Variants in SCGB2B2 observed in about 807,000 individuals in gnomAD.
SCGB2B2 encodes secretoglobin-like protein.
SCGB2B2 carries 11 observed loss-of-function variants against 7.6 expected under a neutral mutation model. The observed-to-expected ratio is 1.45, with a 90% CI of 0.91 to 2.40. The LOEUF (loss-of-function observed/expected upper bound fraction) is 2.40. Among genes scored for constraint, SCGB2B2 ranks in the 30% most tolerant of loss-of-function variants. The pLI, the probability that SCGB2B2 is intolerant of heterozygous loss-of-function variation, is 0.00. For synonymous variants in SCGB2B2, 50 were observed against 48.6 expected (o/e 1.03, Z -0.12); for missense variants, 104 against 115.4 (o/e 0.90, Z 0.45).
At chr19:34,606,688 A>G (rs1370271446) in intron 1 of SCGB2B2, among the ~76,000 whole-genome samples, 2 of 152,084 alleles carry the variant, frequency 1.3e-5, no homozygotes. Context: ...AGAGACAGAC[A>G]ATGACCAGAT....
At chr19:34,634,422 G>A (rs533230923) in intron 1 of SCGB2B2, among the ~76,000 whole-genome samples, 1 of 152,186 alleles carries the variant, frequency 6.6e-6, no homozygotes, top group African/African-American at 2.4e-5. Context: ...TCAGGTAAGA[G>A]CCTTGGGCAG....
intron 1 of SCGB2B2, among the ~76,000 whole-genome samples, chr19:34,668,516 G>A (rs2067703922): frequency 6.6e-6 from 1 of 152,204 alleles, no homozygotes; most frequent in African/African-American, 2.4e-5. Context: ...ACCACCCAAG[G>A]GCTGAGGAGT....
chr19:34,649,796 A>C (rs2067117297), intron 1 of SCGB2B2, among the ~76,000 whole-genome samples: 2 of 146,342 alleles, frequency 1.4e-5, no homozygotes, highest in Non-Finnish European at 2.9e-5. Flanking sequence ...GAACAGGCAG[A>C]CCCAGCCTGA....
intron 1 of SCGB2B2, among the ~76,000 whole-genome samples, chr19:34,663,924 G>C (rs557402301): frequency 1.3e-5 from 2 of 152,046 alleles, no homozygotes; most frequent in Non-Finnish European, 2.9e-5. Flanking sequence ...AGCTGCACCC[G>C]TGTAACCTGC....
At chr19:34,664,903 A>G (rs1387917699) in intron 1 of SCGB2B2, among the ~76,000 whole-genome samples, 1 of 150,082 alleles carries the variant, frequency 6.7e-6, no homozygotes, top group Non-Finnish European at 1.5e-5. Flanking sequence ...CCTCCAGGAC[A>G]TGCATTTCTA....
At chr19:34,642,607 T>C (rs969306100) in intron 1 of SCGB2B2, among the ~76,000 whole-genome samples, 2 of 150,390 alleles carry the variant, frequency 1.3e-5, no homozygotes, top group African/African-American at 4.9e-5. Flanking sequence ...TCCCAGCTAC[T>C]TGAGAGGCTG....
chr19:34,639,557 C>A (rs2066783654), intron 1 of SCGB2B2, among the ~76,000 whole-genome samples: 1 of 152,142 alleles, frequency 6.6e-6, no homozygotes, highest in Admixed American at 6.5e-5. Context: ...GGTCCTTCTT[C>A]ATGTGGTTAT....
chr19:34,620,108 T>C (rs918948522), intron 1 of SCGB2B2, among the ~76,000 whole-genome samples: 1 of 152,224 alleles, frequency 6.6e-6, no homozygotes, highest in Non-Finnish European at 1.5e-5. Flanking sequence ...ATTTTATAGA[T>C]GAGCACCATT....
At chr19:34,605,691 A>G (rs1284029643) in intron 1 of SCGB2B2, among the ~76,000 whole-genome samples, 1 of 152,080 alleles carries the variant, frequency 6.6e-6, no homozygotes, top group African/African-American at 2.4e-5. Flanking sequence ...AGGTTCAAGC[A>G]ATTCTCCTGC....
chr19:34,649,356 C>G (rs2067104775), intron 1 of SCGB2B2, among the ~76,000 whole-genome samples: 2 of 152,196 alleles, frequency 1.3e-5, no homozygotes, highest in Non-Finnish European at 2.9e-5. Flanking sequence ...ATTCCACTCA[C>G]AGATTTGAGG....
chr19:34,611,109 A>C (rs900038304), intron 1 of SCGB2B2, among the ~76,000 whole-genome samples: 1 of 152,072 alleles, frequency 6.6e-6, no homozygotes, highest in African/African-American at 2.4e-5. Context: ...TTGTTAGCTT[A>C]TAGTTATTTG....
rs528254067 is a variant in SCGB2B2, at chr19:34,592,365, G to A, written c.*1190C>T. Among the ~76,000 whole-genome samples, 7 of 151,962 alleles carry A rather than the reference G, an allele frequency of 4.6e-5. No individual in the cohort carries two copies. Among genetic ancestry groups the A allele is most frequent in the African/African-American group, 1.7e-4 (7 of 41,544 alleles). On this transcript the variant is annotated 3_prime_UTR_variant, in exon 4 of 4. Transcript: ENST00000601241. ...AGATCCAGGGAGAAAGAAGATCCAG[G>A]CTGGTATTCCCATGGAAGGGGAGTG...
chr19:34,603,815 C>G (rs1273456756), intron 1 of SCGB2B2, among the ~76,000 whole-genome samples: 1 of 46,866 alleles, frequency 2.1e-5, no homozygotes, highest in African/African-American at 5.0e-5. Context: ...TTTTTTTTAA[C>G]AGATAACGTC....
intron 1 of SCGB2B2, among the ~76,000 whole-genome samples, chr19:34,649,295 G>C (rs1366991348): frequency 6.6e-6 from 1 of 151,972 alleles, no homozygotes; most frequent in African/African-American, 2.4e-5. Context: ...CTTCAAAAAG[G>C]GAAGGAAAAA....
At chr19:34,669,120 A>G (rs1289356975) in intron 1 of SCGB2B2, among the ~76,000 whole-genome samples, 2 of 152,254 alleles carry the variant, frequency 1.3e-5, no homozygotes, top group South Asian at 2.1e-4. Context: ...ACCCACCAGG[A>G]GGAACTAACA....
chr19:34,668,367 G>A (rs906351351), intron 1 of SCGB2B2, among the ~76,000 whole-genome samples: 2 of 152,244 alleles, frequency 1.3e-5, no homozygotes, highest in African/African-American at 4.8e-5. Flanking sequence ...ATTTCTCGCC[G>A]GGCCTTAGCT....
At chr19:34,604,892 G>A (rs1434257771) in intron 1 of SCGB2B2, among the ~76,000 whole-genome samples, 2 of 152,012 alleles carry the variant, frequency 1.3e-5, no homozygotes, top group Non-Finnish European at 2.9e-5. Context: ...CATATAAGAA[G>A]CATGTATATC....
intron 1 of SCGB2B2, among the ~76,000 whole-genome samples, chr19:34,667,005 C>G (rs1327053635): frequency 6.6e-6 from 1 of 152,148 alleles, no homozygotes; most frequent in Admixed American, 6.5e-5. Context: ...ACACACCCTC[C>G]AAACTCAAGG....
At chr19:34,672,525 T>G (rs2067828457) in intron 1 of SCGB2B2, among the ~76,000 whole-genome samples, 1 of 152,252 alleles carries the variant, frequency 6.6e-6, no homozygotes. Flanking sequence ...GATAGTGGCC[T>G]AGTGTAGCTC....
Sources: allele counts gnomAD v4.1 joint callset (sites outside exome capture counted in the v4.1 genomes callset), GRCh38; gene constraint gnomAD v4.1.1; transcripts MANE v1.5; gene names NCBI Gene and HGNC (gene_info 2026-07-23, HGNC 2026-07-21).